The following SETD2 variants were observed in gnomAD, a reference collection of about 807,000 sequenced individuals.
SETD2 encodes SET domain containing 2, histone lysine methyltransferase.
Under a neutral mutation model 242.1 loss-of-function variants are expected in SETD2, and 31 were observed. That is an observed-to-expected ratio of 0.13 (90% CI 0.10 to 0.17). The LOEUF is 0.17. SETD2 is among the 10% of genes least tolerant of loss of function. SETD2 has a pLI of 1.00. For missense variants in SETD2, 2,481 were observed against 3,046.3 expected (o/e 0.81, Z 4.37); for synonymous variants, 1,006 against 1,066.5 (o/e 0.94, Z 1.11).
chr3:47,035,086 G>A (rs568886839), intron 18 of SETD2, among the ~76,000 whole-genome samples: 1 of 152,224 alleles, frequency 6.6e-6, no homozygotes, highest in Admixed American at 6.5e-5. Context: ...GTTGGATATA[G>A]TAAGGTTTTA....
chr3:47,088,337 T>G (rs1559706883), intron 9 of SETD2, 90 bp from the exon 10 acceptor site: 1 of 1,339,142 alleles, frequency 7.5e-7, no homozygotes, highest in Non-Finnish European at 1.0e-6. Context: ...CCTTATCAAT[T>G]ATCAGGAAAA....
intron 1 of SETD2, among the ~76,000 whole-genome samples, chr3:47,148,386 C>T (rs1042530386): frequency 6.6e-6 from 1 of 152,094 alleles, no homozygotes; most frequent in South Asian, 2.1e-4. Flanking sequence ...CCACCTCAGC[C>T]TCCCAAAGTG....
At chr3:47,027,336 CA>C (rs145911577) in intron 18 of SETD2, among the ~76,000 whole-genome samples, 13 of 103,764 alleles carry the variant, frequency 1.3e-4, no homozygotes, top group African/African-American at 6.9e-4. Flanking sequence ...GACTCCATCT[CA>C]AAAAAAAAAA....
intron 10 of SETD2, 139 bp downstream of exon 10, chr3:47,087,962 TCTAAACAAACAA>T (rs2041635086): frequency 1.2e-6 from 1 of 814,906 alleles, no homozygotes; most frequent in African/African-American, 1.9e-5. Context: ...CAAGACCCCA[TCTAAACAAACAA>T]ACAAACAAAC....
chr3:47,134,036 T>C (rs2043539541), intron 1 of SETD2, among the ~76,000 whole-genome samples: 1 of 152,096 alleles, frequency 6.6e-6, no homozygotes, highest in Non-Finnish European at 1.5e-5. Flanking sequence ...AGAAGAAAGG[T>C]GCTTGTTGTC....
At chr3:47,092,996 A>AT (rs531359099) in intron 9 of SETD2, among the ~76,000 whole-genome samples, 2 of 151,876 alleles carry the variant, frequency 1.3e-5, no homozygotes, top group Non-Finnish European at 2.9e-5. Flanking sequence ...CTAAATATTA[A>AT]TTTTTTTTAA....
At chr3:47,050,879 C>T (rs867564284) in intron 15 of SETD2, among the ~76,000 whole-genome samples, 25 of 150,848 alleles carry the variant, frequency 1.7e-4, no homozygotes, top group Admixed American at 6.6e-4. Flanking sequence ...TATAGGCGTG[C>T]GCCACCAAGC....
intron 8 of SETD2, among the ~76,000 whole-genome samples, chr3:47,099,820 A>G (rs1005569234): frequency 6.6e-6 from 1 of 152,214 alleles, no homozygotes; most frequent in Admixed American, 6.5e-5. Flanking sequence ...ACTTCTTCTC[A>G]TCAACTATTT....
rs762759698 is a variant in SETD2, at chr3:47,084,353, A to G, written c.5427T>C (p.Ile1809=). 3.7e-6 allele frequency: 6 copies of G among 1,613,486 alleles called. No homozygotes were observed. In the Admixed American group the frequency reaches 1.0e-4, roughly 27 times the overall value. Residue 1809 remains isoleucine, a synonymous_variant, in exon 12 of 21, where the codon ATT becomes ATC. Transcript: ENST00000409792. ...EIIKTLEHLP[I]PTKNMLEESK... ...TTTCCTCCAACATATTTTTAGTAGGAATGGGCAAGTGTTCCAAAGTCTTTA... is the reference window on the plus strand; with the variant it reads ...TTTCCTCCAACATATTTTTAGTAGGGATGGGCAAGTGTTCCAAAGTCTTTA...
Position 47,072,978 on chromosome 3 carries a change from A to G in SETD2, c.6061-5860T>C, listed in dbSNP as rs554615633. On this transcript the variant is annotated intron_variant, in intron 12 of 20. Transcript: ENST00000409792. Reference sequence around the variant, plus strand: ...AAAAAGAAAGAAAGAAAGAAAGAAAAAAAAAAAGGAAAAATGAAAAAATTA... The same window carrying G: ...AAAAAGAAAGAAAGAAAGAAAGAAAGAAAAAAAGGAAAAATGAAAAAATTA... Among the ~76,000 whole-genome samples, 474 of 151,196 alleles carry G rather than the reference A, an allele frequency of 3.1e-3. 3 individuals carry two copies. The highest frequency in any genetic ancestry group is 5.9e-3 in the Admixed American group (89 of 15,188).
In SETD2 at chr3:47,122,334, C is replaced by G. The variant is rs9311404; in HGVS notation, c.2302G>C (p.Val768Leu). The change falls in exon 3 of 21, where the codon GTG (valine) becomes CTG (leucine). Residue 768 changes from valine (V) to leucine (L), a missense_variant. By Grantham distance (32) the Val-to-Leu change is conservative (BLOSUM62 1). Around this residue, in one of 17 missense-constraint regions of SETD2, gnomAD observed 1,300 missense variants for 1,259.2 expected, o/e 1.03. Coordinates refer to ENST00000409792, the MANE Select transcript of SETD2 (RefSeq NM_014159.7). ...TTAACTACTGTTTTGGAATAATCCA[C>G]AGTCATAACTGGCATAGACATGAGT... ...DKLMSMPVMT[V>L]DYSKTVVKEP... 615 of 1,614,184 alleles carry G rather than the reference C, an allele frequency of 3.8e-4. 1 individual carries two copies. In the African/African-American group the frequency reaches 7.4e-3, roughly 19 times the overall value.
chr3:47,021,208 G>A (rs147016219), intron 18 of SETD2, among the ~76,000 whole-genome samples: 29 of 152,232 alleles, frequency 1.9e-4, no homozygotes, highest in Admixed American at 2.6e-4. Context: ...AATTATTTGA[G>A]TAAGTCAAGA....
At chr3:47,129,624 G>A (rs1371573997) in intron 1 of SETD2, among the ~76,000 whole-genome samples, 16 of 152,296 alleles carry the variant, frequency 1.1e-4, no homozygotes, top group African/African-American at 3.1e-4. Context: ...AGTGGCTCAC[G>A]CCTGTAATCC....
At chr3:47,058,588 TAAA>T (rs1050718899) in intron 14 of SETD2, among the ~76,000 whole-genome samples, 1 of 149,148 alleles carries the variant, frequency 6.7e-6, no homozygotes, top group African/African-American at 2.5e-5. Context: ...ACTCAGCAAT[TAAA>T]AAAAAACCTA....
intron 12 of SETD2, among the ~76,000 whole-genome samples, chr3:47,075,154 C>A (rs1037733563): frequency 6.7e-6 from 1 of 149,926 alleles, no homozygotes; most frequent in Non-Finnish European, 1.5e-5. Flanking sequence ...AAAAAAAAAT[C>A]TCTGCAGTAT....
intron 15 of SETD2, among the ~76,000 whole-genome samples, chr3:47,051,999 A>G (rs1490772554): frequency 6.6e-6 from 1 of 152,192 alleles, no homozygotes; most frequent in Non-Finnish European, 1.5e-5. Context: ...CAACAGCAGT[A>G]TCTACTTATG....
chr3:47,149,520 T>G (rs2043935917), intron 1 of SETD2, among the ~76,000 whole-genome samples: 1 of 152,158 alleles, frequency 6.6e-6, no homozygotes, highest in African/African-American at 2.4e-5. Context: ...GAAATGGGCA[T>G]AGGGTTCATC....
chr3:47,131,050 A>G (rs2043463365), intron 1 of SETD2, among the ~76,000 whole-genome samples: 1 of 152,218 alleles, frequency 6.6e-6, no homozygotes, highest in African/African-American at 2.4e-5. Flanking sequence ...GGGAAGCCCT[A>G]TAAATGAGAG....
At chr3:47,135,771 C>T (rs538614798) in intron 1 of SETD2, among the ~76,000 whole-genome samples, 1 of 152,274 alleles carries the variant, frequency 6.6e-6, no homozygotes, top group African/African-American at 2.4e-5. Context: ...ATTGACGATC[C>T]CACCACTTTG....
Sources: gnomAD v4.1 joint callset for allele counts (sites outside exome capture counted in the v4.1 genomes callset) on GRCh38, gnomAD v4.1.1 for gene constraint, gnomAD v4.1.1 regional missense constraint, MANE v1.5 for transcripts, NCBI Gene and HGNC (gene_info 2026-07-23, HGNC 2026-07-21) for gene names.